OXR1: variants seen among roughly 807,000 people sequenced by gnomAD.
OXR1 encodes the protein oxidation resistance protein 1.
In OXR1, 41 loss-of-function variants were observed where a neutral mutation model predicts 104.6. The ratio of observed to expected loss-of-function variants is 0.39; its 90% CI spans 0.31 to 0.51. The LOEUF (loss-of-function observed/expected upper bound fraction) is 0.51, where lower values mean the gene tolerates loss of function less well. Ranked by LOEUF, OXR1 falls within the 20% of genes least tolerant of loss-of-function variation. OXR1 has a pLI of 0.77. For missense variants in OXR1, 955 were observed against 1,031.9 expected (o/e 0.93, Z 1.02); for synonymous variants, 348 against 348.4 (o/e 1.00, Z 0.01).
intron 3 of OXR1, among the ~76,000 whole-genome samples, chr8:106,631,637 T>C (rs1002295653): frequency 1.3e-5 from 2 of 152,222 alleles, no homozygotes; most frequent in African/African-American, 4.8e-5. Context: ...GAACATGTAA[T>C]ATGTTTTAAT....
At chr8:106,675,657 C>T (rs1827510972) in intron 3 of OXR1, among the ~76,000 whole-genome samples, 1 of 152,028 alleles carries the variant, frequency 6.6e-6, no homozygotes, top group Non-Finnish European at 1.5e-5. Flanking sequence ...TGCTGTGGTC[C>T]AAGAGACTGT....
At chr8:106,315,252 CA>C (rs1348285027) in intron 1 of OXR1, among the ~76,000 whole-genome samples, 1 of 151,986 alleles carries the variant, frequency 6.6e-6, no homozygotes, top group African/African-American at 2.4e-5. Flanking sequence ...GTATGTATTT[CA>C]AAGGATTGTT....
intron 2 of OXR1, among the ~76,000 whole-genome samples, chr8:106,500,672 C>T (rs923322778): frequency 6.6e-6 from 1 of 152,176 alleles, no homozygotes; most frequent in Non-Finnish European, 1.5e-5. Flanking sequence ...TACATTGAAG[C>T]GTTACATCCA....
chr8:106,486,151 A>G (rs1810638415), intron 2 of OXR1, among the ~76,000 whole-genome samples: 1 of 152,138 alleles, frequency 6.6e-6, no homozygotes, highest in Non-Finnish European at 1.5e-5. Flanking sequence ...GAAGTAATAC[A>G]TGTGTTAATT....
At chr8:106,648,756 A>G (rs1050546954) in intron 3 of OXR1, among the ~76,000 whole-genome samples, 1 of 152,222 alleles carries the variant, frequency 6.6e-6, no homozygotes, top group African/African-American at 2.4e-5. Flanking sequence ...ATGTGATGTA[A>G]TTAAATTAAA....
intron 2 of OXR1, among the ~76,000 whole-genome samples, chr8:106,509,984 C>T (rs965949998): frequency 3.9e-5 from 6 of 152,124 alleles, no homozygotes; most frequent in Non-Finnish European, 7.4e-5. Flanking sequence ...GTTGGCCATG[C>T]TGGTTGCGAA....
intron 3 of OXR1, among the ~76,000 whole-genome samples, chr8:106,587,609 C>T (rs1278458764): frequency 6.6e-6 from 1 of 152,142 alleles, no homozygotes; most frequent in Non-Finnish European, 1.5e-5. Flanking sequence ...TCAGAGAAGT[C>T]CCAGTAGATA....
intron 2 of OXR1, among the ~76,000 whole-genome samples, chr8:106,449,075 G>T (rs1820168475): frequency 6.6e-6 from 1 of 152,048 alleles, no homozygotes; most frequent in African/African-American, 2.4e-5. Context: ...AGTTAATCAT[G>T]AATTTGCATC....
intron 1 of OXR1, among the ~76,000 whole-genome samples, chr8:106,295,461 T>C (rs76953458): frequency 6.6e-6 from 1 of 152,166 alleles, no homozygotes; most frequent in Admixed American, 6.5e-5. Flanking sequence ...AATAACCTCA[T>C]TGTCACGTTA....
At chr8:106,528,729 T>G (rs1487492599) in intron 3 of OXR1, among the ~76,000 whole-genome samples, 1 of 152,194 alleles carries the variant, frequency 6.6e-6, no homozygotes, top group African/African-American at 2.4e-5. Flanking sequence ...AGGAAAAAAC[T>G]AATCTTGCTA....
intron 7 of OXR1, among the ~76,000 whole-genome samples, chr8:106,696,644 C>T (rs993772271): frequency 6.6e-6 from 1 of 152,224 alleles, no homozygotes; most frequent in South Asian, 2.1e-4. Context: ...TTTTAGACTT[C>T]AGCCGTTCTA....
At chr8:106,566,012 A>G (rs999202980) in intron 3 of OXR1, among the ~76,000 whole-genome samples, 6 of 152,232 alleles carry the variant, frequency 3.9e-5, no homozygotes, top group African/African-American at 1.4e-4. Context: ...ACTCAAAACC[A>G]TAAAAACCCT....
chr8:106,383,241 A>G (rs1186508360), intron 2 of OXR1, among the ~76,000 whole-genome samples: 1 of 152,140 alleles, frequency 6.6e-6, no homozygotes, highest in East Asian at 1.9e-4. Context: ...AATTAGGTTT[A>G]TAGCATTAAA....
At chr8:106,681,151 T>C (rs1187366605) in intron 4 of OXR1, among the ~76,000 whole-genome samples, 1 of 152,252 alleles carries the variant, frequency 6.6e-6, no homozygotes, top group Non-Finnish European at 1.5e-5. Flanking sequence ...TTTTGTTACC[T>C]TCATCATCTC....
intron 1 of OXR1, among the ~76,000 whole-genome samples, chr8:106,282,333 G>T (rs1313149475): frequency 6.6e-6 from 1 of 152,160 alleles, no homozygotes; most frequent in African/African-American, 2.4e-5. Context: ...GCTGTTTGCA[G>T]ATATTTTGAA....
intron 2 of OXR1, among the ~76,000 whole-genome samples, chr8:106,362,010 G>T (rs954324501): frequency 6.6e-6 from 1 of 152,176 alleles, no homozygotes; most frequent in African/African-American, 2.4e-5. Context: ...AAAGGAATCA[G>T]GATAGGATAC....
chr8:106,438,741 A>G (rs1014427078), intron 2 of OXR1, among the ~76,000 whole-genome samples: 4 of 152,126 alleles, frequency 2.6e-5, no homozygotes, highest in Admixed American at 6.6e-5. Flanking sequence ...AATAAATGAG[A>G]GCAGTATGTT....
At chr8:106,490,154 C>T (rs994184121) in intron 2 of OXR1, among the ~76,000 whole-genome samples, 4 of 152,144 alleles carry the variant, frequency 2.6e-5, no homozygotes, top group African/African-American at 9.7e-5. Context: ...CACCAGCCAG[C>T]AGTGTTCTGC....
intron 2 of OXR1, among the ~76,000 whole-genome samples, chr8:106,463,739 C>T (rs1563538993): frequency 3.3e-5 from 5 of 151,996 alleles, no homozygotes. Context: ...CGAGCCTATC[C>T]GTGAAGTAGG....
Sources: allele counts gnomAD v4.1 joint callset (sites outside exome capture counted in the v4.1 genomes callset), GRCh38; gene constraint gnomAD v4.1.1; transcripts MANE v1.5; gene names NCBI Gene and HGNC (gene_info 2026-07-23, HGNC 2026-07-21).